Variants in EPB41L4B observed in about 807,000 individuals in gnomAD.
The protein encoded by EPB41L4B is erythrocyte membrane protein band 4.1 like 4B, also known as band 4.1-like protein 4B.
In EPB41L4B, 30 loss-of-function variants were observed where a neutral mutation model predicts 112.5. The ratio of observed to expected loss-of-function variants is 0.27; its 90% CI spans 0.20 to 0.36. The LOEUF (loss-of-function observed/expected upper bound fraction) is 0.36, where lower values mean the gene tolerates loss of function less well. Ranked by LOEUF, EPB41L4B falls within the 10% of genes least tolerant of loss-of-function variation. The pLI is 1.00. For synonymous variants in EPB41L4B, 408 were observed against 439.7 expected (o/e 0.93, Z 0.90); for missense variants, 1,024 against 1,133.3 (o/e 0.90, Z 1.38).
Position 109,174,303 on chromosome 9 carries a change from C to T in EPB41L4B, c.*251G>A, listed in dbSNP as rs1306286165. 2 of 404,134 alleles carry T rather than the reference C, an allele frequency of 4.9e-6. No individual in the cohort carries two copies. The highest frequency in any genetic ancestry group is 7.8e-5 in the East Asian group (2 of 25,674). 25.0% of individuals were successfully genotyped at this position (404,134 alleles called of 1,614,324 possible). ...ACTTCTGAAAAGGAATCCCGTTTTC[C>T]CATCTTTCTTTTCCTAGACTTATCA... On this transcript the variant is annotated 3_prime_UTR_variant, in exon 26 of 26. Coordinates refer to ENST00000374566, the MANE Select transcript of EPB41L4B (RefSeq NM_019114.5).
intron 1 of EPB41L4B, among the ~76,000 whole-genome samples, chr9:109,308,726 T>C (rs1837307883): frequency 6.6e-6 from 1 of 152,188 alleles, no homozygotes; most frequent in Non-Finnish European, 1.5e-5. Flanking sequence ...CAATCAACTC[T>C]ATTTTTTTAA....
At chr9:109,221,805 C>A (rs900479829) in intron 15 of EPB41L4B, among the ~76,000 whole-genome samples, 1 of 152,134 alleles carries the variant, frequency 6.6e-6, no homozygotes, top group South Asian at 2.1e-4. Context: ...AGAGATCTGG[C>A]GTACATTCAG....
chr9:109,304,651 A>G (rs891669088), intron 1 of EPB41L4B, among the ~76,000 whole-genome samples: 15 of 152,152 alleles, frequency 9.9e-5, no homozygotes, highest in African/African-American at 3.6e-4. Context: ...TCTCCTATAT[A>G]ATGAGGATAC....
At chr9:109,186,199 C>CT (rs374188259) in intron 22 of EPB41L4B, among the ~76,000 whole-genome samples, 296 of 145,322 alleles carry the variant, frequency 2.0e-3, no homozygotes, top group East Asian at 3.8e-3. Flanking sequence ...TTTCATTTCC[C>CT]TTTTTTTTTT....
chr9:109,185,542 T>C lies in EPB41L4B; in HGVS notation c.2365A>G (p.Met789Val). Residue 789 changes from methionine (M) to valine (V), a missense_variant, in exon 23 of 26, where the codon ATG becomes GTG. Physicochemically the swap from Met to Val is conservative, Grantham distance 21. Coordinates refer to ENST00000374566, the MANE Select transcript of EPB41L4B (RefSeq NM_019114.5). The part of the protein sequence containing the change: ...SRCSPPLSLP[M>V]KEETTGVCMY... ...CAAACTCCAGTGGTCTCTTCCTTCATGGGGAGAGAGAGTGGAGGAGAACAG... is the reference window on the plus strand; with the variant it reads ...CAAACTCCAGTGGTCTCTTCCTTCACGGGGAGAGAGAGTGGAGGAGAACAG... 1 of 1,613,002 alleles carries C rather than the reference T, an allele frequency of 6.2e-7. No homozygotes were observed. The highest frequency in any genetic ancestry group is 8.5e-7 in the Non-Finnish European group (1 of 1,179,462).
intron 19 of EPB41L4B, among the ~76,000 whole-genome samples, chr9:109,202,253 T>A (rs1832858644): frequency 1.3e-5 from 2 of 152,124 alleles, no homozygotes; most frequent in African/African-American, 4.8e-5. Context: ...GGCAGCTGGG[T>A]ATGTATCTCA....
intron 15 of EPB41L4B, chr9:109,239,913 G>C (rs1280892022): frequency 5.1e-6 from 5 of 985,510 alleles, no homozygotes; most frequent in Non-Finnish European, 6.0e-6. Flanking sequence ...CTCAGCACCT[G>C]TGACAGGCAG....
chr9:109,238,855 C>G (rs1418592091), intron 15 of EPB41L4B, among the ~76,000 whole-genome samples: 1 of 152,198 alleles, frequency 6.6e-6, no homozygotes, highest in Non-Finnish European at 1.5e-5. Context: ...ATGTGAGTAA[C>G]AGCAGGGTGT....
At chr9:109,293,404 C>T (rs558566995) in intron 1 of EPB41L4B, among the ~76,000 whole-genome samples, 45 of 146,304 alleles carry the variant, frequency 3.1e-4, no homozygotes, top group Non-Finnish European at 4.3e-4. Context: ...TTCCTTGAGA[C>T]GGAGTTTCAC....
rs1319321999 is a variant in EPB41L4B, at chr9:109,173,154, T to C, written c.*1400A>G. On this transcript the variant is annotated 3_prime_UTR_variant, in exon 26 of 26. Transcript: ENST00000374566. ...AATAAATAAAAATGGCAAAACCCAATACTGGCAGAGCTATTGGTAAACAGA... is the reference window on the plus strand; with the variant it reads ...AATAAATAAAAATGGCAAAACCCAACACTGGCAGAGCTATTGGTAAACAGA... 6.6e-6 allele frequency: 1 copy of C among 152,598 alleles called. No individual in the cohort carries two copies. Among genetic ancestry groups the C allele is most frequent in the Non-Finnish European group, 1.5e-5 (1 of 68,038 alleles). The allele number at this position is 152,598 out of a possible 1,614,324, so 9.5% of individuals were successfully genotyped here.
chr9:109,234,491 G>T (rs545887637), intron 15 of EPB41L4B, among the ~76,000 whole-genome samples: 3 of 152,264 alleles, frequency 2.0e-5, no homozygotes, highest in African/African-American at 7.2e-5. Flanking sequence ...GGAAAACTGG[G>T]GAATAAGAAG....
intron 1 of EPB41L4B, among the ~76,000 whole-genome samples, chr9:109,297,871 A>G (rs1358171667): frequency 6.6e-6 from 1 of 152,238 alleles, no homozygotes; most frequent in African/African-American, 2.4e-5. Flanking sequence ...AAGATTTTCA[A>G]AAAGGTCAAT....
intron 15 of EPB41L4B, among the ~76,000 whole-genome samples, chr9:109,236,832 G>A (rs1332850297): frequency 6.6e-6 from 1 of 152,154 alleles, no homozygotes; most frequent in East Asian, 1.9e-4. Flanking sequence ...GCCCCCTTAT[G>A]CTTCGCCTCT....
At chr9:109,219,762 A>AT (rs989380146) in intron 15 of EPB41L4B, among the ~76,000 whole-genome samples, 9 of 152,168 alleles carry the variant, frequency 5.9e-5, no homozygotes, top group African/African-American at 1.9e-4. Context: ...CGGAAAATCC[A>AT]TTTTTTTCTT....
At chr9:109,269,554 T>C (rs921774908) in intron 2 of EPB41L4B, among the ~76,000 whole-genome samples, 1 of 152,198 alleles carries the variant, frequency 6.6e-6, no homozygotes, top group Non-Finnish European at 1.5e-5. Context: ...CTGTTTCCTG[T>C]GCCAGGCACA....
chr9:109,241,903 G>A, intron 15 of EPB41L4B: 1 of 1,282,220 alleles, frequency 7.8e-7, no homozygotes, highest in Admixed American at 1.8e-5. Context: ...AATGGGGCAG[G>A]GGGAACCATG....
rs976199768 is a variant in EPB41L4B, at chr9:109,320,803, G to C, written c.-357C>G. The C allele has an allele frequency of 3.4e-5, 5 of 145,024 alleles. No individual in the cohort carries two copies. The highest frequency in any genetic ancestry group is 7.6e-5 in the Non-Finnish European group (5 of 65,414). The allele number at this position is 145,024 out of a possible 1,614,324, so 9.0% of individuals were successfully genotyped here. On this transcript the variant is annotated 5_prime_UTR_variant, in exon 1 of 26. Coordinates refer to ENST00000374566, the MANE Select transcript of EPB41L4B (RefSeq NM_019114.5). ...GCGGGCTGCCAGGGGGCTGCCGGGG[G>C]CGCGGGAGGCGGGCTGCGGGCTGCT...
intron 15 of EPB41L4B, among the ~76,000 whole-genome samples, chr9:109,225,753 G>A (rs950142930): frequency 5.3e-5 from 8 of 152,144 alleles, no homozygotes; most frequent in African/African-American, 1.9e-4. Flanking sequence ...GACTTCCTGG[G>A]GTAGTGATGC....
chr9:109,318,360 A>G (rs1837713333), intron 1 of EPB41L4B, among the ~76,000 whole-genome samples: 2 of 151,994 alleles, frequency 1.3e-5, no homozygotes, highest in Non-Finnish European at 2.9e-5. Flanking sequence ...TGAGGGCTAC[A>G]CTGGCTGGAA....
Sources: allele counts gnomAD v4.1 joint callset (sites outside exome capture counted in the v4.1 genomes callset), GRCh38; gene constraint gnomAD v4.1.1; transcripts MANE v1.5; gene names NCBI Gene and HGNC (gene_info 2026-07-23, HGNC 2026-07-21).